Variants in CDH13 observed in about 807,000 individuals in gnomAD.
The protein encoded by CDH13 is cadherin-13.
Under a neutral mutation model 63.8 loss-of-function variants are expected in CDH13, and 24 were observed. That is an observed-to-expected ratio of 0.38 (90% CI 0.27 to 0.53). The LOEUF (loss-of-function observed/expected upper bound fraction) is 0.53, where lower values mean the gene tolerates loss of function less well. CDH13 is among the 20% of genes least tolerant of loss of function. CDH13 has a pLI of 0.85. For synonymous variants in CDH13, 503 were observed against 355.3 expected, an observed-to-expected ratio of 1.42 and a Z score of -4.67; for missense variants, 1,049 against 903.1, an observed-to-expected ratio of 1.16 and a Z score of -2.07.
At chr16:82,842,147 TATATATATATATATATAC>T (rs1567590566) in intron 1 of CDH13, among the ~76,000 whole-genome samples, 608 of 21,286 alleles carry the variant, frequency 0.029, 30 homozygotes, top group Non-Finnish European at 0.052. Context: ...TACACATATA[TATATATATATATATATAC>T]ACACACACAC....
intron 1 of CDH13, among the ~76,000 whole-genome samples, chr16:82,689,322 A>T (rs1304503353): frequency 5.9e-5 from 9 of 152,208 alleles, no homozygotes; most frequent in South Asian, 2.1e-4. Context: ...TTAAAAATGT[A>T]TTCCGTAGGT....
At chr16:83,399,836 G>A (rs1326341323) in intron 6 of CDH13, among the ~76,000 whole-genome samples, 1 of 152,154 alleles carries the variant, frequency 6.6e-6, no homozygotes, top group Middle Eastern at 3.2e-3. Flanking sequence ...CCTCACACAA[G>A]CAGGCATTCA....
At chr16:83,434,847 ATGTGTGTGCGTGTG>A (rs1194594694) in intron 6 of CDH13, among the ~76,000 whole-genome samples, 6,441 of 81,482 alleles carry the variant, frequency 0.079, 193 homozygotes, top group African/African-American at 0.11. Context: ...ATATATATAT[ATGTGTGTGCGTGTG>A]TGTGTGTGTG....
At chr16:82,633,044 G>A (rs981861727) in intron 1 of CDH13, among the ~76,000 whole-genome samples, 4 of 152,136 alleles carry the variant, frequency 2.6e-5, no homozygotes, top group Non-Finnish European at 4.4e-5. Context: ...GTGCTGGGGG[G>A]CCATTATAAA....
intron 7 of CDH13, among the ~76,000 whole-genome samples, chr16:83,593,843 C>G (rs1228724354): frequency 1.3e-5 from 2 of 152,106 alleles, no homozygotes; most frequent in Non-Finnish European, 2.9e-5. Flanking sequence ...AGCCACTAAA[C>G]AAGTAATCAG....
At chr16:83,035,664 G>T (rs939295260) in intron 3 of CDH13, among the ~76,000 whole-genome samples, 2 of 152,158 alleles carry the variant, frequency 1.3e-5, no homozygotes, top group Admixed American at 1.3e-4. Context: ...TTTGAAGGAC[G>T]GGTCATTGTG....
intron 1 of CDH13, among the ~76,000 whole-genome samples, chr16:82,688,739 T>G (rs184378513): frequency 1.3e-5 from 2 of 152,306 alleles, no homozygotes; most frequent in East Asian, 1.9e-4. Context: ...TTTTCAATAT[T>G]AAGGAATTTG....
intron 5 of CDH13, among the ~76,000 whole-genome samples, chr16:83,283,713 C>G (rs1198250889): frequency 6.6e-6 from 1 of 152,118 alleles, no homozygotes; most frequent in African/African-American, 2.4e-5. Flanking sequence ...TTCCACCTTG[C>G]CATCATCGGC....
At chr16:82,890,614 C>A (rs2151220734) in intron 2 of CDH13, among the ~76,000 whole-genome samples, 1 of 149,344 alleles carries the variant, frequency 6.7e-6, no homozygotes, top group Non-Finnish European at 1.5e-5. Context: ...CCTACATAGT[C>A]TTCATACAAA....
rs762549811 is a variant in CDH13, at chr16:82,644,787, G to A, written c.45+17650G>A. Among the ~76,000 whole-genome samples the A allele has an allele frequency of 5.9e-5, 9 of 152,276 alleles. No individual in the cohort carries two copies. The highest frequency in any genetic ancestry group is 9.6e-5 in the African/African-American group (4 of 41,536). ...TTTCCAGGTAGCAACAGGAGATCAC[G>A]CAAAGCCACGTAAGTGTCTGATTCA... On this transcript the variant is annotated intron_variant, in intron 1 of 13. Transcript: ENST00000567109. The surrounding 1 kb of genome is among the most constrained non-coding windows in gnomAD (Gnocchi z 5.7).
intron 5 of CDH13, among the ~76,000 whole-genome samples, chr16:83,260,523 A>T (rs2113294): frequency 2.6e-5 from 4 of 152,108 alleles, no homozygotes; most frequent in Admixed American, 2.6e-4. Flanking sequence ...TCAGTCTTCG[A>T]GGGAGTGCTG....
intron 2 of CDH13, among the ~76,000 whole-genome samples, chr16:82,866,895 C>A (rs2040168741): frequency 6.6e-6 from 1 of 152,182 alleles, no homozygotes; most frequent in South Asian, 2.1e-4. Context: ...TCAATGACCT[C>A]CCCCGATCTC....
chr16:83,205,551 A>C (rs1168802327), intron 4 of CDH13, among the ~76,000 whole-genome samples: 1 of 152,122 alleles, frequency 6.6e-6, no homozygotes, highest in African/African-American at 2.4e-5. Flanking sequence ...ATGCAAGAAA[A>C]GAAGTTGAGG....
At chr16:83,024,986 A>G (rs529691603) in intron 2 of CDH13, among the ~76,000 whole-genome samples, 1 of 152,302 alleles carries the variant, frequency 6.6e-6, no homozygotes, top group South Asian at 2.1e-4. Context: ...TTCCATGGCA[A>G]CAGCCTGAGA....
chr16:82,988,643 C>T (rs1284751212), intron 2 of CDH13, among the ~76,000 whole-genome samples: 1 of 151,924 alleles, frequency 6.6e-6, no homozygotes, highest in African/African-American at 2.4e-5. Context: ...TGCCTGTAAT[C>T]CCAGCTACTC....
intron 3 of CDH13, among the ~76,000 whole-genome samples, chr16:83,040,109 GGCCA>G: frequency 6.6e-6 from 1 of 151,648 alleles, no homozygotes; most frequent in Non-Finnish European, 1.5e-5. Context: ...ATCACTCTGG[GGCCA>G]GACCACCTTG....
chr16:83,460,982 A>AACACACACACACACACACACACAC (rs367812199), intron 6 of CDH13, among the ~76,000 whole-genome samples: 1 of 134,254 alleles, frequency 7.4e-6, no homozygotes. Flanking sequence ...CTTGTCTCAA[A>AACACACACACACACACACACACAC]ACACACACAC....
chr16:83,675,524 A>C (rs1014743496), intron 9 of CDH13, among the ~76,000 whole-genome samples: 1 of 152,144 alleles, frequency 6.6e-6, no homozygotes, highest in African/African-American at 2.4e-5. Context: ...TGACTCTTGC[A>C]GCTCTTGCTT....
At position 83,732,210 on chromosome 16, in the gene CDH13, C is replaced by T. The variant is rs147447035; in HGVS notation, c.1539-15898C>T. On this transcript the variant is annotated intron_variant, in intron 10 of 13. Transcript: ENST00000567109. ...GTGTGATTACAGCTTACAGCTCTTTCCCATGGGAGAGTCAACAGCTTAATG... is the reference window on the plus strand; with the variant it reads ...GTGTGATTACAGCTTACAGCTCTTTTCCATGGGAGAGTCAACAGCTTAATG... Among the ~76,000 whole-genome samples the T allele has an allele frequency of 1.5e-3, 228 of 152,288 alleles. 1 individual carries two copies. Among genetic ancestry groups the T allele is most frequent in the African/African-American group, 5.3e-3 (220 of 41,550 alleles).
Sources: allele counts gnomAD v4.1 joint callset (sites outside exome capture counted in the v4.1 genomes callset), GRCh38; gene constraint gnomAD v4.1.1; non-coding constraint Gnocchi (gnomAD v3.1); transcripts MANE v1.5; gene names NCBI Gene and HGNC (gene_info 2026-07-23, HGNC 2026-07-21).